The following DNAAF4 variants were observed in gnomAD, a reference collection of about 807,000 sequenced individuals.
DNAAF4 encodes the protein dynein assembly factor 4, axonemal.
Under a neutral mutation model 51.8 loss-of-function variants are expected in DNAAF4, and 43 were observed. The observed-to-expected ratio is 0.83, with a 90% CI of 0.65 to 1.07. The LOEUF (loss-of-function observed/expected upper bound fraction) is 1.07, where lower values mean the gene tolerates loss of function less well. Among genes scored for constraint, DNAAF4 ranks in the 50% least tolerant of loss-of-function variants. The pLI, the probability that DNAAF4 is intolerant of heterozygous loss-of-function variation, is 0.00. For synonymous variants in DNAAF4, 194 were observed against 165.6 expected, an observed-to-expected ratio of 1.17 and a Z score of -1.32; for missense variants, 581 against 493.0, an observed-to-expected ratio of 1.18 and a Z score of -1.69.
intron 4 of DNAAF4, among the ~76,000 whole-genome samples, chr15:55,482,720 C>A (rs973080743): frequency 6.6e-6 from 1 of 151,960 alleles, no homozygotes; most frequent in Non-Finnish European, 1.5e-5. Context: ...TACTTAAATA[C>A]TAGAAGTACA....
At chr15:55,455,766 T>C (rs148284400) in intron 5 of DNAAF4, among the ~76,000 whole-genome samples, 1 of 152,240 alleles carries the variant, frequency 6.6e-6, no homozygotes, top group Non-Finnish European at 1.5e-5. Flanking sequence ...AGCCTCACTG[T>C]TAAAGTTGTA....
chr15:55,471,797 G>A (rs1270525212), intron 4 of DNAAF4, among the ~76,000 whole-genome samples: 2 of 152,020 alleles, frequency 1.3e-5, no homozygotes, highest in Non-Finnish European at 2.9e-5. Flanking sequence ...ACAGGCGTGA[G>A]CCACCACGCC....
In DNAAF4 at chr15:55,498,334, G is replaced by T; in HGVS notation, c.-5C>A. The T allele has an allele frequency of 1.3e-6, 2 of 1,598,368 alleles. No individual in the cohort carries two copies. Among genetic ancestry groups the T allele is most frequent in the Non-Finnish European group, 1.7e-6 (2 of 1,170,934 alleles). On this transcript the variant is annotated 5_prime_UTR_variant, in exon 2 of 10. The change creates a premature stop within an existing upstream ORF in the 5' untranslated region. Transcript: ENST00000321149. The stretch of plus-strand genomic sequence containing the variant: ...ATCGCTAACCTGAAGAGGCATTCCG[G>T]TAGCAACGGGAGCGGATAGCGCGGC...
chr15:55,460,479 C>T lies in DNAAF4; in HGVS notation c.637+6451G>A, dbSNP rs1003793081. Among the ~76,000 whole-genome samples the T allele has an allele frequency of 7.9e-5, 12 of 152,042 alleles. No individual in the cohort carries two copies. The East Asian group carries it at 1.2e-3, about 15-fold the overall frequency. On this transcript the variant is annotated intron_variant, in intron 5 of 9. Transcript: ENST00000321149. ...ACAGGCATGAGCCACCGCGCCCGGC[C>T]GGAATTCTCAAATTTATAAAACAGT...
chr15:55,467,190 T>C (rs1268286451), intron 4 of DNAAF4, 29 bp from the exon 5 acceptor site: 19 of 1,443,688 alleles, frequency 1.3e-5, no homozygotes, highest in Non-Finnish European at 1.8e-5. Flanking sequence ...CCAAATTCTT[T>C]AAAATACATA....
intron 5 of DNAAF4, among the ~76,000 whole-genome samples, chr15:55,464,933 C>T (rs1375179837): frequency 6.6e-6 from 1 of 152,118 alleles, no homozygotes; most frequent in South Asian, 2.1e-4. Context: ...CCAGCCTGGG[C>T]AACAAGAGCG....
At chr15:55,433,625 C>CAAAAA (rs750056970) in intron 8 of DNAAF4, among the ~76,000 whole-genome samples, 2 of 56,622 alleles carry the variant, frequency 3.5e-5, no homozygotes, top group African/African-American at 1.4e-4. Context: ...GACCTCGTCT[C>CAAAAA]AAAAAAAAAA....
At chr15:55,438,992 CTTG>C (rs1264658076) in intron 7 of DNAAF4, among the ~76,000 whole-genome samples, 2 of 151,988 alleles carry the variant, frequency 1.3e-5, no homozygotes, top group African/African-American at 4.8e-5. Flanking sequence ...GCCTCATTGC[CTTG>C]TTATCTGACT....
intron 1 of DNAAF4, among the ~76,000 whole-genome samples, chr15:55,504,615 C>G (rs2058716905): frequency 6.6e-6 from 1 of 152,164 alleles, no homozygotes; most frequent in South Asian, 2.1e-4. Flanking sequence ...AGAAATAACA[C>G]TATACATCTA....
intron 4 of DNAAF4, among the ~76,000 whole-genome samples, chr15:55,473,331 ATG>A (rs1220473626): frequency 1.3e-3 from 164 of 124,036 alleles, no homozygotes; most frequent in Middle Eastern, 3.9e-3. Context: ...GTGTATATAT[ATG>A]TGTGTATATA....
In DNAAF4 at chr15:55,491,991, G is replaced by T. The variant is rs144138833; in HGVS notation, c.272-735C>A. 7.7e-3 allele frequency among the ~76,000 whole-genome samples: 1,158 copies of T among 150,792 alleles called. 13 individuals are homozygous for T. The highest frequency in any genetic ancestry group is 0.024 in the African/African-American group (973 of 41,100). On this transcript the variant is annotated intron_variant, in intron 3 of 9. Coordinates refer to ENST00000321149, the MANE Select transcript of DNAAF4 (RefSeq NM_130810.4). ...CCTACCTCAGCTTCCTGAGTAGCTGGGACTACAGGTGTGTGCCAACACATC... is the reference window on the plus strand; with the variant it reads ...CCTACCTCAGCTTCCTGAGTAGCTGTGACTACAGGTGTGTGCCAACACATC...
chr15:55,428,313 A>G (rs916999400), downstream of DNAAF4, among the ~76,000 whole-genome samples: 4 of 152,024 alleles, frequency 2.6e-5, no homozygotes, highest in African/African-American at 9.7e-5. Flanking sequence ...TTCCGTCCCC[A>G]GGCAAGAAGG....
chr15:55,443,447 T>C (rs146232001), intron 6 of DNAAF4: 30 of 585,944 alleles, frequency 5.1e-5, no homozygotes, highest in African/African-American at 1.7e-4. Context: ...CAGTCTATCA[T>C]TGATGGACAT....
intron 9 of DNAAF4, among the ~76,000 whole-genome samples, chr15:55,431,089 A>G (rs547800228): frequency 6.6e-6 from 1 of 151,436 alleles, no homozygotes; most frequent in African/African-American, 2.4e-5. Context: ...AATTTTTTGT[A>G]TTTTTAGTAG....
intron 6 of DNAAF4, among the ~76,000 whole-genome samples, chr15:55,446,381 T>G (rs1488232381): frequency 2.4e-3 from 81 of 33,112 alleles, no homozygotes; most frequent in South Asian, 3.6e-3. Context: ...TCCCAGATGA[T>G]GGGCGGCCGG....
intron 4 of DNAAF4, among the ~76,000 whole-genome samples, chr15:55,473,198 A>AAAAAAAATATATATAT (rs1209754897): frequency 2.6e-5 from 2 of 75,748 alleles, no homozygotes; most frequent in East Asian, 4.1e-4. Context: ...AAAAAAAAAA[A>AAAAAAAATATATATAT]ATATATATAT....
chr15:55,423,269 A>T (rs2057403020), intron 7 of DNAAF4, among the ~76,000 whole-genome samples: 1 of 151,770 alleles, frequency 6.6e-6, no homozygotes, highest in Non-Finnish European at 1.5e-5. Flanking sequence ...TGACACAAGC[A>T]CAGCTCACTG....
intron 6 of DNAAF4, among the ~76,000 whole-genome samples, chr15:55,448,353 G>T (rs1349091985): frequency 1.3e-5 from 2 of 151,788 alleles, no homozygotes; most frequent in Non-Finnish European, 2.9e-5. Flanking sequence ...GTTCATCCAG[G>T]ATATTGATCT....
intron 7 of DNAAF4, among the ~76,000 whole-genome samples, chr15:55,422,269 T>G (rs1285408628): frequency 6.6e-6 from 1 of 152,154 alleles, no homozygotes; most frequent in Non-Finnish European, 1.5e-5. Context: ...GATAAGGAGA[T>G]GTCTGACCAC....
Sources: allele counts gnomAD v4.1 joint callset (sites outside exome capture counted in the v4.1 genomes callset), GRCh38; gene constraint gnomAD v4.1.1; transcripts MANE v1.5; gene names NCBI Gene and HGNC (gene_info 2026-07-23, HGNC 2026-07-21).